RBFOX1: variants seen among roughly 807,000 people sequenced by gnomAD.
The protein encoded by RBFOX1 is RNA binding protein fox-1 homolog 1.
In RBFOX1, 8 loss-of-function variants were observed where a neutral mutation model predicts 57.7. The observed-to-expected ratio is 0.14, with a 90% CI of 0.08 to 0.25. RBFOX1 has a LOEUF of 0.25. RBFOX1 is among the 10% of genes least tolerant of loss of function. RBFOX1 has a pLI of 1.00. For synonymous variants in RBFOX1, 326 were observed against 222.4 expected, an observed-to-expected ratio of 1.47 and a Z score of -4.15; for missense variants, 611 against 548.5, an observed-to-expected ratio of 1.11 and a Z score of -1.14.
At chr16:7,553,308 T>C (rs1031650355) in intron 5 of RBFOX1, among the ~76,000 whole-genome samples, 2 of 152,024 alleles carry the variant, frequency 1.3e-5, no homozygotes, top group Non-Finnish European at 1.5e-5. Flanking sequence ...CCACACCCCC[T>C]AATTTTTAAA....
At chr16:6,779,785 T>TTTTATATATTTATATATATA (rs2080087562) in intron 3 of RBFOX1, among the ~76,000 whole-genome samples, 1 of 4,158 alleles carries the variant, frequency 2.4e-4, no homozygotes, top group African/African-American at 1.0e-3. Flanking sequence ...TTATATATAT[T>TTTTATATATTTATATATATA]TTTATATATA....
At chr16:6,439,641 C>G (rs2094325333) in intron 2 of RBFOX1, among the ~76,000 whole-genome samples, 2 of 152,304 alleles carry the variant, frequency 1.3e-5, no homozygotes, top group Middle Eastern at 6.8e-3. Context: ...ACTATTCTCT[C>G]CTGTGTGGCT....
chr16:7,407,248 A>C (rs894579588), intron 4 of RBFOX1, among the ~76,000 whole-genome samples: 10 of 152,186 alleles, frequency 6.6e-5, no homozygotes, highest in Admixed American at 5.9e-4. Flanking sequence ...GGATTAGGAC[A>C]TGAGCATGTT....
chr16:7,633,339 T>G (rs897005480), intron 11 of RBFOX1, among the ~76,000 whole-genome samples: 1 of 152,254 alleles, frequency 6.6e-6, no homozygotes, highest in Non-Finnish European at 1.5e-5. Flanking sequence ...ATTATGAAAT[T>G]GTATAATGTG....
intron 2 of RBFOX1, among the ~76,000 whole-genome samples, chr16:6,461,204 C>T (rs778237908): frequency 3.3e-5 from 5 of 152,214 alleles, no homozygotes; most frequent in East Asian, 1.9e-4. Flanking sequence ...CATCATGGCA[C>T]GCATTTACCT....
At chr16:5,738,957 C>T (rs939318338) in intron 3 of RBFOX1, among the ~76,000 whole-genome samples, 7 of 150,196 alleles carry the variant, frequency 4.7e-5, no homozygotes, top group Admixed American at 1.3e-4. Context: ...TTCTCTCTGA[C>T]AAAGAACAGG....
At chr16:6,694,634 G>A (rs910143017) in intron 3 of RBFOX1, among the ~76,000 whole-genome samples, 6 of 152,150 alleles carry the variant, frequency 3.9e-5, no homozygotes, top group Non-Finnish European at 8.8e-5. Flanking sequence ...GCCTTACACT[G>A]TGTTGGTCTT....
intron 3 of RBFOX1, among the ~76,000 whole-genome samples, chr16:6,673,879 A>G (rs1326267468): frequency 6.6e-6 from 1 of 152,196 alleles, no homozygotes; most frequent in African/African-American, 2.4e-5. Flanking sequence ...AGAAGAAGCA[A>G]ACACTTGTTG....
chr16:5,824,261 G>C (rs2151811477), intron 3 of RBFOX1, among the ~76,000 whole-genome samples: 1 of 152,334 alleles, frequency 6.6e-6, no homozygotes, highest in South Asian at 2.1e-4. Flanking sequence ...GAGGACTTGT[G>C]AAGAGCCCAC....
intron 4 of RBFOX1, among the ~76,000 whole-genome samples, chr16:7,419,172 T>G (rs952820407): frequency 6.6e-6 from 1 of 152,280 alleles, no homozygotes; most frequent in Admixed American, 6.5e-5. Flanking sequence ...CCTCCCAAAG[T>G]GCTGGGATTA....
chr16:7,595,487 A>G, intron 7 of RBFOX1, 62 bp from the exon 8 acceptor site: 3 of 1,289,562 alleles, frequency 2.3e-6, no homozygotes, highest in Middle Eastern at 2.0e-4. Flanking sequence ...GAACATTACC[A>G]AGTGGTCGTT....
At chr16:6,685,934 T>C (rs1044126093) in intron 3 of RBFOX1, among the ~76,000 whole-genome samples, 6 of 152,208 alleles carry the variant, frequency 3.9e-5, no homozygotes, top group Admixed American at 6.5e-5. Context: ...AAAAAGCTTT[T>C]ATTTTTGTAC....
At chr16:6,759,491 GTGTGTGTGT>G (rs953997997) in intron 3 of RBFOX1, among the ~76,000 whole-genome samples, 1 of 146,744 alleles carries the variant, frequency 6.8e-6, no homozygotes, top group Non-Finnish European at 1.5e-5. Flanking sequence ...GTGTGTGTGT[GTGTGTGTGT>G]GTGTGTGTGT....
intron 1 of RBFOX1, among the ~76,000 whole-genome samples, chr16:6,159,815 G>A (rs1312522342): frequency 6.6e-6 from 1 of 152,234 alleles, no homozygotes; most frequent in Non-Finnish European, 1.5e-5. Flanking sequence ...CTGACTTGAA[G>A]TGGGCATGCA....
At chr16:7,450,755 G>T (rs1441891353) in intron 4 of RBFOX1, among the ~76,000 whole-genome samples, 2 of 152,140 alleles carry the variant, frequency 1.3e-5, no homozygotes, top group Admixed American at 6.5e-5. Context: ...CTGAGTGGGT[G>T]TTGAGGAGGA....
At chr16:5,718,767 G>T (rs76139511) in intron 3 of RBFOX1, among the ~76,000 whole-genome samples, 111 of 152,184 alleles carry the variant, frequency 7.3e-4, no homozygotes, top group African/African-American at 2.5e-3. Flanking sequence ...AATTAGCCGG[G>T]GCATAGTCGT....
At chr16:6,244,833 T>A (rs929726948) in intron 1 of RBFOX1, among the ~76,000 whole-genome samples, 1 of 152,188 alleles carries the variant, frequency 6.6e-6, no homozygotes, top group African/African-American at 2.4e-5. Context: ...TTCATGCTTT[T>A]GGTGTGCTGT....
chr16:6,867,227 A>G (rs958557774), intron 3 of RBFOX1, among the ~76,000 whole-genome samples: 19 of 147,718 alleles, frequency 1.3e-4, no homozygotes, highest in African/African-American at 3.4e-4. Context: ...TCTGTAGGGG[A>G]AAAAAAAATA....
intron 3 of RBFOX1, among the ~76,000 whole-genome samples, chr16:6,844,363 C>T (rs554443863): frequency 1.3e-5 from 2 of 152,248 alleles, no homozygotes; most frequent in African/African-American, 2.4e-5. Flanking sequence ...TTCCCCTCAG[C>T]AGATCCCCAC....
Sources: gnomAD v4.1 joint callset for allele counts (sites outside exome capture counted in the v4.1 genomes callset) on GRCh38, gnomAD v4.1.1 for gene constraint, MANE v1.5 for transcripts, NCBI Gene and HGNC (gene_info 2026-07-23, HGNC 2026-07-21) for gene names.